The following PARD3 variants were observed in gnomAD, a reference collection of about 807,000 sequenced individuals.
PARD3 encodes par-3 family cell polarity regulator.
A neutral mutation model predicts 155.4 loss-of-function variants in PARD3; 75 were observed. That is an observed-to-expected ratio of 0.48 (90% CI 0.40 to 0.58). PARD3 has a LOEUF of 0.58. Among genes scored for constraint, PARD3 ranks in the 20% least tolerant of loss-of-function variants. PARD3 has a pLI of 0.00. For synonymous variants in PARD3, 576 were observed against 610.5 expected, an observed-to-expected ratio of 0.94 and a Z score of 0.83; for missense variants, 1,642 against 1,721.7, an observed-to-expected ratio of 0.95 and a Z score of 0.82.
intron 2 of PARD3, among the ~76,000 whole-genome samples, chr10:34,573,068 G>A (rs1407585545): frequency 1.3e-5 from 2 of 152,128 alleles, no homozygotes; most frequent in Non-Finnish European, 2.9e-5. Flanking sequence ...AGAATTTCAA[G>A]GATAAGTCAG....
At chr10:34,436,580 TGTAAACATACAATTTCATTTTTA>T (rs376772916) in intron 5 of PARD3, among the ~76,000 whole-genome samples, 4,142 of 152,306 alleles carry the variant, frequency 0.027, 82 homozygotes, top group Non-Finnish European at 0.041. Context: ...CTGTACAATG[TGTAAACATACAATTTCATTTTTA>T]GGCATACTTC....
chr10:34,684,528 C>G (rs1250837897), intron 2 of PARD3, among the ~76,000 whole-genome samples: 1 of 151,982 alleles, frequency 6.6e-6, no homozygotes, highest in Non-Finnish European at 1.5e-5. Context: ...TGGTGAATGC[C>G]CCACCATCTC....
intron 23 of PARD3, among the ~76,000 whole-genome samples, chr10:34,122,420 T>G (rs1255895759): frequency 6.6e-6 from 1 of 152,218 alleles, no homozygotes; most frequent in Non-Finnish European, 1.5e-5. Context: ...CAGCTACAAG[T>G]ATCTAGTTGG....
chr10:34,565,260 C>CTTTTTTTTTTTTTTTTTTTTTTT (rs59606413), intron 2 of PARD3, among the ~76,000 whole-genome samples: 1 of 39,666 alleles, frequency 2.5e-5, no homozygotes, highest in African/African-American at 1.1e-4. Context: ...AGGAGCAAGG[C>CTTTTTTTTTTTTTTTTTTTTTTT]TTTTTTTTTT....
intron 2 of PARD3, among the ~76,000 whole-genome samples, chr10:34,689,934 GTTATTTATTTAT>G (rs199639601): frequency 2.2e-5 from 2 of 89,170 alleles, no homozygotes; most frequent in Non-Finnish European, 4.1e-5. Context: ...ATTTTTACAT[GTTATTTATTTAT>G]TTATTTATTT....
chr10:34,604,194 A>T (rs1467915194), intron 2 of PARD3, among the ~76,000 whole-genome samples: 1 of 152,136 alleles, frequency 6.6e-6, no homozygotes. Flanking sequence ...TGGGTATGAG[A>T]TGGTTAATAC....
At chr10:34,574,687 T>C (rs1213537830) in intron 2 of PARD3, among the ~76,000 whole-genome samples, 1 of 152,200 alleles carries the variant, frequency 6.6e-6, no homozygotes, top group Non-Finnish European at 1.5e-5. Context: ...CTCAAGTATT[T>C]ACGGCAGTGT....
intron 21 of PARD3, among the ~76,000 whole-genome samples, chr10:34,277,645 T>C (rs618808): frequency 0.57 from 86,303 of 151,948 alleles, 25,518 homozygotes; most frequent in African/African-American, 0.74. Context: ...TGCTGAAATA[T>C]ATAGTGGTCC....
At chr10:34,650,545 AT>A (rs111554157) in intron 2 of PARD3, among the ~76,000 whole-genome samples, 1 of 151,716 alleles carries the variant, frequency 6.6e-6, no homozygotes, top group South Asian at 2.1e-4. Context: ...TGAAGTGGAC[AT>A]TTTTTTTTAA....
rs1269815371 is a variant in PARD3 at position 34,459,950 on chromosome 10, G to A, written c.583-9502C>T. ...CTACCTTAGCTTTCCCCTTAATTGT[G>A]AAAGTGCCTCCTCAGGTACACTGTC... On this transcript the variant is annotated intron_variant, in intron 4 of 24. Coordinates refer to ENST00000374788, the MANE Select transcript of PARD3 (RefSeq NM_001184785.2). Among the ~76,000 whole-genome samples, 3 of 152,172 alleles carry A rather than the reference G, an allele frequency of 2.0e-5. 1 individual carries two copies. Among genetic ancestry groups the A allele is most frequent in the Non-Finnish European group, 4.4e-5 (3 of 68,026 alleles).
At chr10:34,445,779 G>T (rs927129360) in intron 5 of PARD3, among the ~76,000 whole-genome samples, 4 of 148,092 alleles carry the variant, frequency 2.7e-5, no homozygotes, top group East Asian at 3.9e-4. Context: ...TACCAATTTT[G>T]CAGTATTTAA....
At chr10:34,633,230 T>C (rs1166709597) in intron 2 of PARD3, among the ~76,000 whole-genome samples, 1 of 152,156 alleles carries the variant, frequency 6.6e-6, no homozygotes. Flanking sequence ...AATTATTAGC[T>C]ACATTCACTA....
chr10:34,509,254 G>A (rs897802771), intron 3 of PARD3, among the ~76,000 whole-genome samples: 2 of 152,056 alleles, frequency 1.3e-5, no homozygotes, highest in Non-Finnish European at 1.5e-5. Context: ...AGCATGCAAA[G>A]ACCTTCCGAG....
At chr10:34,436,279 G>C (rs1397786856) in intron 5 of PARD3, among the ~76,000 whole-genome samples, 3 of 152,228 alleles carry the variant, frequency 2.0e-5, no homozygotes, top group African/African-American at 7.2e-5. Context: ...GAGGAAAGGG[G>C]AAGGTTTTGA....
At chr10:34,113,182 T>C (rs12765457) in intron 24 of PARD3, among the ~76,000 whole-genome samples, 1,738 of 152,252 alleles carry the variant, frequency 0.011, 27 homozygotes, top group Admixed American at 0.05. Flanking sequence ...TGCAGACATT[T>C]CACCTCTTTT....
At chr10:34,269,354 A>G (rs1274721010) in intron 22 of PARD3, among the ~76,000 whole-genome samples, 1 of 152,202 alleles carries the variant, frequency 6.6e-6, no homozygotes, top group African/African-American at 2.4e-5. Flanking sequence ...TAAGTAGAAG[A>G]GTCATAATTT....
At chr10:34,349,580 T>TAAAAAAAAAAAAAAAAAAAAAAAAA in intron 14 of PARD3, among the ~76,000 whole-genome samples, 1 of 44,712 alleles carries the variant, frequency 2.2e-5, no homozygotes, top group Non-Finnish European at 3.6e-5. Flanking sequence ...TCTGGGAAAG[T>TAAAAAAAAAAAAAAAAAAAAAAAAA]AAAAAAAAAA....
chr10:34,400,830 T>C (rs1360667165), intron 6 of PARD3, among the ~76,000 whole-genome samples: 1 of 151,984 alleles, frequency 6.6e-6, no homozygotes, highest in South Asian at 2.1e-4. Context: ...TATTACTTTT[T>C]TTTTTTTACC....
At chr10:34,215,366 G>A (rs1951954393) in intron 22 of PARD3, among the ~76,000 whole-genome samples, 1 of 152,182 alleles carries the variant, frequency 6.6e-6, no homozygotes, top group South Asian at 2.1e-4. Context: ...AAGTAAGGGA[G>A]ATATTTCTGA....
Sources: gnomAD v4.1 joint callset for allele counts (sites outside exome capture counted in the v4.1 genomes callset) on GRCh38, gnomAD v4.1.1 for gene constraint, MANE v1.5 for transcripts, NCBI Gene and HGNC (gene_info 2026-07-23, HGNC 2026-07-21) for gene names.